The following ANKRD11 variants were observed in gnomAD, a reference collection of about 807,000 sequenced individuals.
ANKRD11 encodes the protein ankyrin repeat domain-containing protein 11.
A neutral mutation model predicts 195.7 loss-of-function variants in ANKRD11; 17 were observed. The observed-to-expected ratio is 0.09, with a 90% CI of 0.06 to 0.13. ANKRD11 has a LOEUF of 0.13. Among genes scored for constraint, ANKRD11 ranks in the 10% least tolerant of loss-of-function variants. The probability of loss-of-function intolerance (pLI) is 1.00; values close to 1 mark genes in which losing one functional copy is unlikely to be tolerated. For missense variants in ANKRD11, 3,735 were observed against 3,566.1 expected, an observed-to-expected ratio of 1.05 and a Z score of -1.21; for synonymous variants, 1,953 against 1,528.1, an observed-to-expected ratio of 1.28 and a Z score of -6.49.
intron 1 of ANKRD11, among the ~76,000 whole-genome samples, chr16:89,436,953 A>G (rs907161802): frequency 2.0e-5 from 3 of 152,240 alleles, no homozygotes; most frequent in Non-Finnish European, 4.4e-5. Flanking sequence ...AAAAAGAGAG[A>G]AAAGTAGGAA....
rs779498451 is a variant in ANKRD11, at chr16:89,282,272, A to G, written c.4270T>C (p.Ser1424Pro). The G allele has an allele frequency of 2.5e-6, 4 of 1,613,940 alleles. No homozygotes were observed. Among genetic ancestry groups the G allele is most frequent in the Non-Finnish European group, 3.4e-6 (4 of 1,180,020 alleles). ...TCATTTTTATCTTTCTTTTCGGTAG[A>G]AAACAATTCAATGGTTTTATCTAGC... ...DELDKTIELF[S>P]TEKKDKNDSE... The change falls in exon 9 of 13, where the codon TCT becomes CCT. Residue 1424 changes from serine to proline, a missense_variant. By Grantham distance (74) the Ser-to-Pro change is moderately conservative (BLOSUM62 -1). Transcript: ENST00000301030.
intron 1 of ANKRD11, among the ~76,000 whole-genome samples, chr16:89,478,996 G>A (rs1408486282): frequency 6.6e-6 from 1 of 152,072 alleles, no homozygotes; most frequent in East Asian, 1.9e-4. Context: ...TGTCACCGGG[G>A]CTAGAGACCA....
At chr16:89,374,651 G>T (rs78160353) in intron 2 of ANKRD11, among the ~76,000 whole-genome samples, 1 of 152,332 alleles carries the variant, frequency 6.6e-6, no homozygotes, top group East Asian at 1.9e-4. Context: ...CGCGTGCTAC[G>T]ATCAGAGGAG....
intron 2 of ANKRD11, 78 bp from the exon 3 acceptor site, chr16:89,317,156 G>T: frequency 1.0e-6 from 1 of 986,100 alleles, no homozygotes; most frequent in South Asian, 1.4e-5. Context: ...GCACTCAACA[G>T]ACTCAGTAAC....
At chr16:89,377,024 C>T (rs1418514692) in intron 2 of ANKRD11, among the ~76,000 whole-genome samples, 4 of 152,166 alleles carry the variant, frequency 2.6e-5, no homozygotes, top group African/African-American at 9.7e-5. Context: ...GGACTGCTTC[C>T]ATTGATGCTT....
intron 2 of ANKRD11, among the ~76,000 whole-genome samples, chr16:89,333,228 TA>T (rs2038158574): frequency 6.6e-6 from 1 of 152,186 alleles, no homozygotes; most frequent in African/African-American, 2.4e-5. Flanking sequence ...ACACTGAAAA[TA>T]AAACATATTT....
intron 11 of ANKRD11, 71 bp from the exon 12 acceptor site, chr16:89,270,980 G>A: frequency 2.1e-6 from 3 of 1,459,556 alleles, no homozygotes; most frequent in South Asian, 1.2e-5. Context: ...GCCAGCCTGG[G>A]CGATGCTGCA....
At position 89,268,182 on chromosome 16, in the gene ANKRD11, T is replaced by TCAAA. The variant is rs1206447502; in HGVS notation, c.*292_*295dup. ...GAAAAGGGCCCGAAGGTCGCCGTTT[T>TCAAA]CAAACAGAAGCTGCCGTGTGTGCGC... On this transcript the variant is annotated 3_prime_UTR_variant, in exon 13 of 13. Transcript: ENST00000301030. 1 of 173,780 alleles carries TCAAA rather than the reference T, an allele frequency of 5.8e-6. No homozygotes were observed. Among genetic ancestry groups the TCAAA allele is most frequent in the Non-Finnish European group, 1.1e-5 (1 of 94,360 alleles). The allele number at this position is 173,780 out of a possible 1,614,324, so 10.8% of individuals were successfully genotyped here. A position where few individuals can be genotyped will look rare whatever the true frequency, so the allele number is the denominator to read the frequency against.
chr16:89,417,123 A>G (rs1210882212), intron 2 of ANKRD11, among the ~76,000 whole-genome samples: 1 of 152,162 alleles, frequency 6.6e-6, no homozygotes, highest in African/African-American at 2.4e-5. Flanking sequence ...CCTCACCTCT[A>G]TTTCCAAGGA....
At chr16:89,333,639 T>C (rs1296120658) in intron 2 of ANKRD11, among the ~76,000 whole-genome samples, 1 of 152,236 alleles carries the variant, frequency 6.6e-6, no homozygotes, top group Admixed American at 6.5e-5. Flanking sequence ...GGAGACGGGC[T>C]GCTTTCACTC....
At chr16:89,276,842 G>A (rs1272502173) in intron 9 of ANKRD11, among the ~76,000 whole-genome samples, 3 of 152,148 alleles carry the variant, frequency 2.0e-5, no homozygotes, top group East Asian at 1.9e-4. Context: ...CGGATCACAA[G>A]GTCAGGAGTT....
At chr16:89,368,887 A>C (rs1481823184) in intron 2 of ANKRD11, among the ~76,000 whole-genome samples, 1 of 152,170 alleles carries the variant, frequency 6.6e-6, no homozygotes, top group Non-Finnish European at 1.5e-5. Flanking sequence ...GGGAGGAGAA[A>C]GACTCTGTTT....
Position 89,279,704 on chromosome 16 carries a change from C to T in ANKRD11, c.6838G>A (p.Ala2280Thr), listed in dbSNP as rs1199936730. ...APDGPAPNTV[A>T]QAQAADGAGP... ...GCACCGTCTGCGGCCTGAGCTTGTG[C>T]CACAGTGTTCGGGGCGGGGCCGTCA... is the stretch of plus-strand genomic sequence containing the variant. Residue 2280 changes from alanine (A) to threonine (T), a missense_variant, in exon 9 of 13, where the codon GCA (alanine) becomes ACA (threonine). Coordinates refer to ENST00000301030, the MANE Select transcript of ANKRD11 (RefSeq NM_013275.6). This position sits in a 1 kb window ranked among gnomAD's most constrained non-coding sequence, Gnocchi z 5.6. The T allele has an allele frequency of 4.0e-6, 6 of 1,516,770 alleles. No homozygotes were observed. Among genetic ancestry groups the T allele is most frequent in the South Asian group, 1.2e-5 (1 of 81,746 alleles). The allele number at this position is 1,516,770 out of a possible 1,614,324, so 94.0% of individuals were successfully genotyped here.
chr16:89,329,254 G>T (rs183812105), intron 2 of ANKRD11, among the ~76,000 whole-genome samples: 1 of 152,196 alleles, frequency 6.6e-6, no homozygotes, highest in Non-Finnish European at 1.5e-5. Flanking sequence ...AGGATAAGAC[G>T]GGGGATCTGA....
chr16:89,394,846 G>GC, intron 2 of ANKRD11, among the ~76,000 whole-genome samples: 1 of 152,072 alleles, frequency 6.6e-6, no homozygotes. Flanking sequence ...CAAACGTCCA[G>GC]ACTCCTCATT....
intron 3 of ANKRD11, among the ~76,000 whole-genome samples, chr16:89,316,305 G>T (rs139167575): frequency 6.6e-6 from 1 of 152,086 alleles, no homozygotes; most frequent in East Asian, 1.9e-4. Flanking sequence ...GTTCACATTC[G>T]CTGGGCACAC....
chr16:89,378,999 G>A (rs182169501), intron 2 of ANKRD11, among the ~76,000 whole-genome samples: 195 of 152,350 alleles, frequency 1.3e-3, no homozygotes, highest in African/African-American at 4.5e-3. Context: ...GGAGCGTCAA[G>A]ACGCCTCCTG....
In ANKRD11 at chr16:89,270,915, G is replaced by A. The variant is rs773839077; in HGVS notation, c.7714-6C>T. On this transcript the variant is annotated splice_polypyrimidine_tract_variant and splice_region_variant and intron_variant, in intron 11 of 12. Transcript: ENST00000301030. ...ACTGACTTGTTCTCGTCACCCTGTG[G>A]AAACCAAACACGGGAGTTTCATCAG... 5.6e-6 allele frequency: 9 copies of A among 1,613,956 alleles called. No homozygotes were observed. The highest frequency in any genetic ancestry group is 2.5e-6 in the Non-Finnish European group (3 of 1,179,952).
intron 1 of ANKRD11, among the ~76,000 whole-genome samples, chr16:89,453,085 T>C (rs2044156706): frequency 6.6e-6 from 1 of 152,214 alleles, no homozygotes; most frequent in African/African-American, 2.4e-5. Context: ...CACGCCCGGC[T>C]GCACAGAACA....
Sources: gnomAD v4.1 joint callset for allele counts (sites outside exome capture counted in the v4.1 genomes callset) on GRCh38, gnomAD v4.1.1 for gene constraint, Gnocchi (gnomAD v3.1) non-coding constraint, MANE v1.5 for transcripts, NCBI Gene and HGNC (gene_info 2026-07-23, HGNC 2026-07-21) for gene names.